The following FMN1 variants were observed in gnomAD, a reference collection of about 807,000 sequenced individuals.
The protein encoded by FMN1 is formin 1.
Under a neutral mutation model 132.4 loss-of-function variants are expected in FMN1, and 110 were observed. The ratio of observed to expected loss-of-function variants is 0.83; its 90% CI spans 0.71 to 0.97. The LOEUF (loss-of-function observed/expected upper bound fraction) is 0.97. Ranked by LOEUF, FMN1 falls within the 50% of genes least tolerant of loss-of-function variation. The probability of loss-of-function intolerance (pLI) is 0.00; values close to 1 mark genes in which losing one functional copy is unlikely to be tolerated. For missense variants in FMN1, 1,792 were observed against 1,705.3 expected, an observed-to-expected ratio of 1.05 and a Z score of -0.90; for synonymous variants, 722 against 651.7, an observed-to-expected ratio of 1.11 and a Z score of -1.64.
At chr15:32,944,668 C>T in intron 9 of FMN1, among the ~76,000 whole-genome samples, 1 of 152,160 alleles carries the variant, frequency 6.6e-6, no homozygotes, top group Middle Eastern at 3.4e-3. Flanking sequence ...ACCCCATCCC[C>T]ATCCTGACGA....
intron 18 of FMN1, among the ~76,000 whole-genome samples, chr15:32,802,127 T>C (rs1052397686): frequency 2.0e-5 from 3 of 152,262 alleles, no homozygotes; most frequent in Admixed American, 6.5e-5. Context: ...TTTTAGAAGA[T>C]TGATTTCTAA....
intron 19 of FMN1, among the ~76,000 whole-genome samples, chr15:32,785,161 CGTGTGTGTGTGTGTGTGTGT>C (rs1178285469): frequency 8.3e-4 from 43 of 51,592 alleles, no homozygotes; most frequent in South Asian, 2.5e-3. Flanking sequence ...TGTATACGTA[CGTGTGTGTGTGTGTGTGTGT>C]GTGTGTGTGT....
chr15:33,053,805 C>A (rs2037091094), intron 6 of FMN1, among the ~76,000 whole-genome samples: 2 of 152,200 alleles, frequency 1.3e-5, no homozygotes, highest in South Asian at 4.1e-4. Flanking sequence ...GGAGCTGAGG[C>A]ATGCTACTTT....
intron 6 of FMN1, among the ~76,000 whole-genome samples, chr15:33,057,114 T>C (rs2037252487): frequency 6.6e-6 from 1 of 152,198 alleles, no homozygotes. Context: ...GAAGCAGTGG[T>C]TGCAGTGAGC....
chr15:33,191,576 G>A (rs1163607305), intron 2 of FMN1, among the ~76,000 whole-genome samples: 1 of 152,204 alleles, frequency 6.6e-6, no homozygotes, highest in African/African-American at 2.4e-5. Flanking sequence ...AGGTTACTCT[G>A]GGAGATTGTT....
At chr15:33,092,873 A>G (rs16964853) in intron 4 of FMN1, among the ~76,000 whole-genome samples, 12,816 of 152,242 alleles carry the variant, frequency 0.084, 588 homozygotes, top group African/African-American at 0.13. Flanking sequence ...AAATTATTCA[A>G]TGCACTGCAA....
intron 6 of FMN1, among the ~76,000 whole-genome samples, chr15:33,013,968 C>A (rs190615524): frequency 2.4e-4 from 37 of 152,118 alleles, no homozygotes; most frequent in African/African-American, 8.2e-4. Context: ...ATTAACAAAC[C>A]GATGAAGGAG....
At chr15:32,820,973 G>C (rs1302091641) in intron 17 of FMN1, among the ~76,000 whole-genome samples, 1 of 151,914 alleles carries the variant, frequency 6.6e-6, no homozygotes, top group African/African-American at 2.4e-5. Flanking sequence ...AGGTAATAAA[G>C]AGGTCTCGTA....
intron 9 of FMN1, among the ~76,000 whole-genome samples, chr15:32,958,503 G>A (rs1256297167): frequency 6.6e-6 from 1 of 151,958 alleles, no homozygotes; most frequent in Non-Finnish European, 1.5e-5. Context: ...CTAATTCCTA[G>A]ACTACATGAT....
At chr15:33,068,840 A>T (rs1012666415) in intron 5 of FMN1, among the ~76,000 whole-genome samples, 2 of 152,146 alleles carry the variant, frequency 1.3e-5, no homozygotes, top group Non-Finnish European at 2.9e-5. Context: ...GGCAGAGTAA[A>T]CAGCCCAGGC....
At chr15:32,960,362 C>A (rs2140564036) in intron 9 of FMN1, among the ~76,000 whole-genome samples, 1 of 152,214 alleles carries the variant, frequency 6.6e-6, no homozygotes, top group Admixed American at 6.5e-5. Context: ...CCCACCAGGT[C>A]CCTCCTAGAC....
intron 6 of FMN1, among the ~76,000 whole-genome samples, chr15:33,053,991 C>G (rs1016765495): frequency 6.6e-6 from 1 of 152,122 alleles, no homozygotes; most frequent in Non-Finnish European, 1.5e-5. Context: ...GGTGAATGAA[C>G]TCAATCTCCA....
At chr15:33,188,164 C>G (rs1466608953) in intron 2 of FMN1, among the ~76,000 whole-genome samples, 1 of 116,594 alleles carries the variant, frequency 8.6e-6, no homozygotes, top group African/African-American at 3.1e-5. Context: ...GAAACCCTGT[C>G]TCTACTAAAA....
chr15:32,850,509 A>G (rs2058984658), intron 17 of FMN1, among the ~76,000 whole-genome samples: 2 of 152,246 alleles, frequency 1.3e-5, no homozygotes, highest in Admixed American at 1.3e-4. Context: ...TGATTCAGCA[A>G]TTCTGAAAGG....
Position 33,093,630 on chromosome 15 carries a change from AGAAGGTGT to A in FMN1, c.1868-4664_1868-4657del, listed in dbSNP as rs554304428. ...AACCACCTAGGTAGATACAATTCTG[AGAAGGTGT>A]GGTATCTATCCACCCCAGCCTCTAA... On this transcript the variant is annotated intron_variant, in intron 4 of 20. Coordinates refer to ENST00000616417, the MANE Select transcript of FMN1 (RefSeq NM_001277313.2). Among the ~76,000 whole-genome samples, 6 of 152,364 alleles carry A rather than the reference AGAAGGTGT, an allele frequency of 3.9e-5. No homozygotes were observed. The East Asian group carries it at 1.2e-3, about 29-fold the overall frequency.
chr15:33,170,349 C>T (rs1317071140), intron 3 of FMN1, among the ~76,000 whole-genome samples: 1 of 152,066 alleles, frequency 6.6e-6, no homozygotes, highest in Non-Finnish European at 1.5e-5. Flanking sequence ...GAACTATGGA[C>T]TAGGCAAAGA....
intron 9 of FMN1, among the ~76,000 whole-genome samples, chr15:32,944,893 C>T (rs187300763): frequency 7.2e-5 from 11 of 152,102 alleles, no homozygotes; most frequent in African/African-American, 1.4e-4. Flanking sequence ...TGGAGTCTTG[C>T]GGGAAGAAAA....
intron 4 of FMN1, among the ~76,000 whole-genome samples, chr15:33,128,721 G>C (rs2468737): frequency 2.9e-4 from 44 of 151,908 alleles, no homozygotes; most frequent in Admixed American, 1.4e-3. Flanking sequence ...CGGTAAGTGT[G>C]ACAGCTCTTA....
intron 17 of FMN1, among the ~76,000 whole-genome samples, chr15:32,824,312 C>T (rs987959641): frequency 1.3e-5 from 2 of 152,220 alleles, no homozygotes; most frequent in African/African-American, 4.8e-5. Context: ...CAGATTCTTA[C>T]ATGGTCCTCT....
Sources: allele counts gnomAD v4.1 joint callset (sites outside exome capture counted in the v4.1 genomes callset), GRCh38; gene constraint gnomAD v4.1.1; transcripts MANE v1.5; gene names NCBI Gene and HGNC (gene_info 2026-07-23, HGNC 2026-07-21).